Variants in PCDHGA1 observed in about 807,000 individuals in gnomAD.
PCDHGA1 encodes protocadherin gamma-A1.
Under a neutral mutation model 58.0 loss-of-function variants are expected in PCDHGA1, and 32 were observed. That is an observed-to-expected ratio of 0.55 (90% CI 0.42 to 0.74). PCDHGA1 has a LOEUF of 0.74. PCDHGA1 is among the 30% of genes least tolerant of loss of function. PCDHGA1 has a pLI of 0.00. For missense variants in PCDHGA1, 1,205 were observed against 1,182.3 expected (o/e 1.02, Z -0.28); for synonymous variants, 498 against 501.1 (o/e 0.99, Z 0.08).
chr5:141,427,937 C>T, intron 1 of PCDHGA1: 1 of 1,584,566 alleles, frequency 6.3e-7, no homozygotes, highest in African/African-American at 1.3e-5. Flanking sequence ...TGTTGGTGGG[C>T]GACCTCAATG....
At chr5:141,440,472 A>C (rs913774913) in intron 1 of PCDHGA1, 6 of 152,322 alleles carry the variant, frequency 3.9e-5, no homozygotes, top group Admixed American at 3.9e-4. Flanking sequence ...ACGGTAGTTG[A>C]AAATTCTTTA....
intron 1 of PCDHGA1, chr5:141,346,307 C>T (rs956527393): frequency 6.2e-7 from 1 of 1,614,222 alleles, no homozygotes; most frequent in African/African-American, 1.3e-5. Flanking sequence ...ACGAGGTCTC[C>T]CTCACTGCGG....
At chr5:141,504,643 G>A (rs1049421626) in intron 2 of PCDHGA1, among the ~76,000 whole-genome samples, 3 of 124,276 alleles carry the variant, frequency 2.4e-5, no homozygotes, top group African/African-American at 9.0e-5. Flanking sequence ...AAGGTTTGAT[G>A]ATAGAGTGTT....
chr5:141,446,275 A>G (rs1229842331), intron 1 of PCDHGA1, among the ~76,000 whole-genome samples: 1 of 152,156 alleles, frequency 6.6e-6, no homozygotes, highest in African/African-American at 2.4e-5. Flanking sequence ...GAATAAATAC[A>G]ATGGATAAAT....
intron 1 of PCDHGA1, among the ~76,000 whole-genome samples, chr5:141,488,117 G>A (rs1231303931): frequency 6.6e-6 from 1 of 152,190 alleles, no homozygotes; most frequent in African/African-American, 2.4e-5. Flanking sequence ...GAAACATAGA[G>A]ACAGCAGAAA....
chr5:141,478,213 C>A (rs2099439229), intron 1 of PCDHGA1: 1 of 1,614,000 alleles, frequency 6.2e-7, no homozygotes, highest in Non-Finnish European at 8.5e-7. Context: ...TTTCTCTAAT[C>A]CTGGTTTCTG....
At chr5:141,416,761 C>G (rs1371541017) in intron 1 of PCDHGA1, 2 of 152,140 alleles carry the variant, frequency 1.3e-5, no homozygotes, top group Non-Finnish European at 2.9e-5. Context: ...AGGTAGATCT[C>G]TTAATTTTAT....
chr5:141,376,736 G>T (rs1158010904), intron 1 of PCDHGA1: 1 of 522,720 alleles, frequency 1.9e-6, no homozygotes, highest in Non-Finnish European at 3.2e-6. Flanking sequence ...CCGGACTGCG[G>T]ACTGCAGTGG....
At chr5:141,393,142 T>C in intron 1 of PCDHGA1, 1 of 1,613,286 alleles carries the variant, frequency 6.2e-7, no homozygotes, top group Non-Finnish European at 8.5e-7. Flanking sequence ...AACACCCTGG[T>C]TGAGGATAAA....
intron 1 of PCDHGA1, among the ~76,000 whole-genome samples, chr5:141,474,096 CAACAAA>C (rs1262341033): frequency 1.3e-5 from 2 of 152,078 alleles, no homozygotes; most frequent in African/African-American, 4.8e-5. Context: ...AAACAAACAA[CAACAAA>C]AACAACAACA....
chr5:141,431,049 T>C lies in PCDHGA1; in HGVS notation c.2422-63758T>C, dbSNP rs1226000576. On this transcript the variant is annotated intron_variant, in intron 1 of 3. Coordinates refer to ENST00000517417, the MANE Select transcript of PCDHGA1 (RefSeq NM_018912.3). The surrounding 1 kb of genome is among the most constrained non-coding windows in gnomAD (Gnocchi z 4.8). Reference sequence around the variant, plus strand: ...AGGATAGACCGGGAGGAGCTCTGTATGGGGGCCATCAAGTGTCAATTAAAT... The same window carrying C: ...AGGATAGACCGGGAGGAGCTCTGTACGGGGGCCATCAAGTGTCAATTAAAT... The C allele has an allele frequency of 6.2e-7, 1 of 1,614,162 alleles. No homozygotes were observed. Among genetic ancestry groups the C allele is most frequent in the Non-Finnish European group, 8.5e-7 (1 of 1,180,014 alleles).
chr5:141,383,388 C>A (rs764387936), intron 1 of PCDHGA1: 106 of 1,613,860 alleles, frequency 6.6e-5, no homozygotes, highest in Non-Finnish European at 8.6e-5. Flanking sequence ...CAGATGTGGG[C>A]ACGAACTCCC....
rs560733170 is a variant in PCDHGA1, at chr5:141,503,895, A to G, written c.2481-1498A>G. ...TTGTGCTCACCCACCATGACAAAATATGCACACACACAACGCAACACACAC... is the reference window on the plus strand; with the variant it reads ...TTGTGCTCACCCACCATGACAAAATGTGCACACACACAACGCAACACACAC... On this transcript the variant is annotated intron_variant, in intron 2 of 3. Transcript: ENST00000517417. Among the ~76,000 whole-genome samples, 12 of 152,302 alleles carry G rather than the reference A, an allele frequency of 7.9e-5. No individual in the cohort carries two copies. The South Asian group carries it at 2.1e-3, about 26-fold the overall frequency.
intron 1 of PCDHGA1, chr5:141,340,494 A>T (rs750347331): frequency 6.8e-6 from 11 of 1,613,726 alleles, no homozygotes; most frequent in Non-Finnish European, 9.3e-6. Flanking sequence ...ATCTCTATCA[A>T]CTCCGACACT....
In PCDHGA1 at chr5:141,477,533, G is replaced by C. The variant is rs780541121; in HGVS notation, c.2422-17274G>C. On this transcript the variant is annotated intron_variant, in intron 1 of 3. Transcript: ENST00000517417. This position sits in a 1 kb window ranked among gnomAD's most constrained non-coding sequence, Gnocchi z 4.9. ...TTACATTGAAGAAAACAACCTCCCC[G>C]GGGCTCCAATACTAAACCTAAGTGT... The C allele has an allele frequency of 6.2e-7, 1 of 1,613,892 alleles. No individual in the cohort carries two copies. The highest frequency in any genetic ancestry group is 1.3e-5 in the African/African-American group (1 of 74,852).
intron 1 of PCDHGA1, chr5:141,413,249 G>A (rs756270877): frequency 6.8e-6 from 11 of 1,613,832 alleles, no homozygotes; most frequent in Non-Finnish European, 9.3e-6. Flanking sequence ...CTTTTCTTCG[G>A]GATTCCATGG....
In PCDHGA1 at chr5:141,491,722, C is replaced by T. The variant is rs1276921909; in HGVS notation, c.2422-3085C>T. ...CCAGGTGAGGGGCTCGGCGCCGCCC[C>T]GGGCGACCCCTGGGGGCGGCACTGG... On this transcript the variant is annotated intron_variant, in intron 1 of 3. Coordinates refer to ENST00000517417, the MANE Select transcript of PCDHGA1 (RefSeq NM_018912.3). This position sits in a 1 kb window ranked among gnomAD's most constrained non-coding sequence, Gnocchi z 6.9. The T allele has an allele frequency of 6.2e-7, 1 of 1,607,004 alleles. No homozygotes were observed.
rs748154971 is a variant in PCDHGA1, at chr5:141,345,539, C to A, written c.2421+12434C>A. 4.3e-6 allele frequency: 7 copies of A among 1,614,198 alleles called. No individual in the cohort carries two copies. In the South Asian group the frequency reaches 7.7e-5, roughly 18 times the overall value. ...ACACTCTCCAGGGGGCGCCCCTGTC[C>A]TCCTTCGTCTCTATCAACTCCAACA... On this transcript the variant is annotated intron_variant, in intron 1 of 3. Coordinates refer to ENST00000517417, the MANE Select transcript of PCDHGA1 (RefSeq NM_018912.3).
At position 141,487,116 on chromosome 5, in the gene PCDHGA1, A is replaced by G. The variant is rs749256818; in HGVS notation, c.2422-7691A>G. On this transcript the variant is annotated intron_variant, in intron 1 of 3. Transcript: ENST00000517417. This position sits in a 1 kb window ranked among gnomAD's most constrained non-coding sequence, Gnocchi z 5.0. ...CCACAGAAGCTGGTCATTGTGGTAA[A>G]GGATAGTGGTAGTCCACCACTCTCT... The G allele has an allele frequency of 3.1e-6, 5 of 1,614,022 alleles. No individual in the cohort carries two copies.
Sources: gnomAD v4.1 joint callset for allele counts (sites outside exome capture counted in the v4.1 genomes callset) on GRCh38, gnomAD v4.1.1 for gene constraint, Gnocchi (gnomAD v3.1) non-coding constraint, MANE v1.5 for transcripts, NCBI Gene and HGNC (gene_info 2026-07-23, HGNC 2026-07-21) for gene names.